The following SLIT3 variants were observed in gnomAD, a reference collection of about 807,000 sequenced individuals.
SLIT3 encodes the protein slit homolog 3 protein.
A neutral mutation model predicts 184.0 loss-of-function variants in SLIT3; 68 were observed. The observed-to-expected ratio is 0.37, with a 90% CI of 0.30 to 0.45. The LOEUF (loss-of-function observed/expected upper bound fraction) is 0.45. SLIT3 is among the 20% of genes least tolerant of loss of function. The pLI is 1.00. For missense variants in SLIT3, 1,707 were observed against 2,026.0 expected, an observed-to-expected ratio of 0.84 and a Z score of 3.02; for synonymous variants, 831 against 828.6, an observed-to-expected ratio of 1.00 and a Z score of -0.05.
chr5:168,711,494 T>C (rs1236007088), intron 24 of SLIT3, among the ~76,000 whole-genome samples: 1 of 152,144 alleles, frequency 6.6e-6, no homozygotes. Context: ...TTCATCCCAG[T>C]TGTGACTGGG....
chr5:168,842,469 GTTTTTTT>G (rs778998998), intron 6 of SLIT3, among the ~76,000 whole-genome samples: 3 of 88,100 alleles, frequency 3.4e-5, no homozygotes, highest in African/African-American at 9.6e-5. Flanking sequence ...CCGTTTTTTC[GTTTTTTT>G]TTTTTTTTTT....
chr5:168,924,073 T>G (rs888607840), intron 4 of SLIT3, among the ~76,000 whole-genome samples: 4 of 152,232 alleles, frequency 2.6e-5, no homozygotes, highest in Non-Finnish European at 5.9e-5. Flanking sequence ...CTGGACTAGA[T>G]AGAAGTCTGT....
At chr5:169,231,850 A>G (rs78031801) in intron 3 of SLIT3, among the ~76,000 whole-genome samples, 19,546 of 152,208 alleles carry the variant, frequency 0.13, 1,417 homozygotes, top group South Asian at 0.16. Context: ...AGTTTTAGCC[A>G]TTCCAATTAG....
chr5:169,083,466 A>G (rs569138451), intron 4 of SLIT3, among the ~76,000 whole-genome samples: 1 of 152,334 alleles, frequency 6.6e-6, no homozygotes, highest in Admixed American at 6.5e-5. Context: ...CAACAGGTGA[A>G]TGGTGTTGAG....
intron 29 of SLIT3, among the ~76,000 whole-genome samples, chr5:168,691,145 C>A (rs1761894316): frequency 6.6e-6 from 1 of 152,166 alleles, no homozygotes; most frequent in South Asian, 2.1e-4. Context: ...CCCCTAGGTC[C>A]ATGGCAAGGG....
rs181382068 is a variant in SLIT3, at chr5:168,851,955, G to T, written c.486-7300C>A. Reference sequence around the variant, plus strand: ...TCTTTGCAAACAAGCCCATGACAAGGCCAGGGGGAGCCTTGAAAGTCACTG... The same window carrying T: ...TCTTTGCAAACAAGCCCATGACAAGTCCAGGGGGAGCCTTGAAAGTCACTG... On this transcript the variant is annotated intron_variant, in intron 5 of 35. Transcript: ENST00000519560. Among the ~76,000 whole-genome samples, 6 of 152,306 alleles carry T rather than the reference G, an allele frequency of 3.9e-5. No individual in the cohort carries two copies. In the East Asian group the frequency reaches 1.2e-3, roughly 29 times the overall value.
chr5:169,125,745 CGTG>C (rs1761055169), intron 4 of SLIT3, among the ~76,000 whole-genome samples: 1 of 152,192 alleles, frequency 6.6e-6, no homozygotes, highest in Non-Finnish European at 1.5e-5. Flanking sequence ...AGGAAAAGAA[CGTG>C]ACTGCCATTT....
Position 168,806,554 on chromosome 5 carries a change from T to G in SLIT3, c.827A>C (p.Asn276Thr). 6.2e-7 allele frequency: 1 copy of G among 1,613,934 alleles called. No homozygotes were observed. Among genetic ancestry groups the G allele is most frequent in the Non-Finnish European group, 8.5e-7 (1 of 1,179,944 alleles). ...GCAGGGCGAAGGGCAGGAGATGGAG[T>G]TGGCATTGCAGGATGGGGGCTCCGA... is the stretch of plus-strand genomic sequence containing the variant. ...PHSEPPSCNA[N>T]SISCPSPCTC... Residue 276 changes from asparagine (N) to threonine (T), a missense_variant, in exon 9 of 36, where the codon AAC (asparagine) becomes ACC (threonine). By Grantham distance (65) the Asn-to-Thr change is moderately conservative. This residue lies in a region of SLIT3 where 1,307 missense variants were observed against 1,511.6 expected (regional missense o/e 0.86). Coordinates refer to ENST00000519560, the MANE Select transcript of SLIT3 (RefSeq NM_003062.4).
At chr5:168,891,226 T>C (rs1248599877) in intron 4 of SLIT3, among the ~76,000 whole-genome samples, 2 of 152,126 alleles carry the variant, frequency 1.3e-5, no homozygotes, top group African/African-American at 4.8e-5. Context: ...GTCTCAGACA[T>C]GAGACTGCTG....
intron 4 of SLIT3, among the ~76,000 whole-genome samples, chr5:168,889,621 T>A (rs1159044098): frequency 6.6e-6 from 1 of 152,220 alleles, no homozygotes; most frequent in Non-Finnish European, 1.5e-5. Context: ...GTCCTGGCCA[T>A]GCCATTCAGA....
intron 5 of SLIT3, among the ~76,000 whole-genome samples, chr5:168,867,341 A>T (rs17666252): frequency 0.013 from 1,970 of 152,370 alleles, 20 homozygotes; most frequent in East Asian, 0.046. Context: ...AAGAACAGGC[A>T]ATCAATGACA....
chr5:169,180,952 C>A (rs1175700035), intron 4 of SLIT3, among the ~76,000 whole-genome samples: 1 of 152,154 alleles, frequency 6.6e-6, no homozygotes, highest in African/African-American at 2.4e-5. Context: ...GGAAGCCTGA[C>A]CCATGCACAT....
rs1037221190 is a variant in SLIT3, at chr5:169,300,743, C to T, written c.-34G>A. ...GGGCCCCGCTCCTGGAGGAGGCTGCCTCTGCGGGGCAAGACGCGTGGAGCC... is the reference window on the plus strand; with the variant it reads ...GGGCCCCGCTCCTGGAGGAGGCTGCTTCTGCGGGGCAAGACGCGTGGAGCC... On this transcript the variant is annotated 5_prime_UTR_variant, in exon 1 of 36. Coordinates refer to ENST00000519560, the MANE Select transcript of SLIT3 (RefSeq NM_003062.4). This position sits in a 1 kb window ranked among gnomAD's most constrained non-coding sequence, Gnocchi z 4.1. The T allele has an allele frequency of 1.9e-5, 25 of 1,289,998 alleles. No individual in the cohort carries two copies. Among genetic ancestry groups the T allele is most frequent in the South Asian group, 2.4e-5 (1 of 41,806 alleles). 79.9% of individuals were successfully genotyped at this position (1,289,998 alleles called of 1,614,324 possible). A position where few individuals can be genotyped will look rare whatever the true frequency, so the allele number is the denominator to read the frequency against.
chr5:169,216,933 G>A (rs955984753), intron 3 of SLIT3, among the ~76,000 whole-genome samples: 6 of 152,056 alleles, frequency 3.9e-5, no homozygotes, highest in Admixed American at 3.9e-4. Context: ...ATCTGTGTGT[G>A]CCGTACTTCA....
At chr5:169,287,230 C>T (rs1379805790) in intron 1 of SLIT3, among the ~76,000 whole-genome samples, 1 of 152,170 alleles carries the variant, frequency 6.6e-6, no homozygotes, top group South Asian at 2.1e-4. Context: ...CCCAGTGTTC[C>T]TTCCCTTGCC....
chr5:168,762,108 C>A (rs1411966620), intron 15 of SLIT3, among the ~76,000 whole-genome samples: 2 of 151,608 alleles, frequency 1.3e-5, no homozygotes, highest in African/African-American at 2.4e-5. Context: ...TTTGATAAAC[C>A]AACACATCCC....
At chr5:169,206,106 C>T (rs1379724235) in intron 3 of SLIT3, among the ~76,000 whole-genome samples, 2 of 152,164 alleles carry the variant, frequency 1.3e-5, no homozygotes, top group African/African-American at 2.4e-5. Flanking sequence ...TTCCATGCTG[C>T]CTGGGAATAA....
intron 17 of SLIT3, 62 bp from the exon 18 acceptor site, chr5:168,753,160 C>T: frequency 6.4e-7 from 1 of 1,571,424 alleles, no homozygotes; most frequent in Non-Finnish European, 8.7e-7. Flanking sequence ...CCAAATGGTG[C>T]CACGGTGGTG....
rs141784575 is a variant in SLIT3, at chr5:169,040,197, G to T, written c.413+153282C>A. On this transcript the variant is annotated intron_variant, in intron 4 of 35. Transcript: ENST00000519560. The stretch of plus-strand genomic sequence containing the variant: ...ATCAAGGCATGTGCAATCACAGCCC[G>T]TCAGCTCTGTTAGGAATTCCCTTGC... Among the ~76,000 whole-genome samples the T allele has an allele frequency of 1.2e-3, 182 of 152,260 alleles. 1 individual carries two copies. The highest frequency in any genetic ancestry group is 2.5e-4 in the Non-Finnish European group (17 of 68,024).
Sources: allele counts gnomAD v4.1 joint callset (sites outside exome capture counted in the v4.1 genomes callset), GRCh38; gene constraint gnomAD v4.1.1; regional missense constraint gnomAD v4.1.1; non-coding constraint Gnocchi (gnomAD v3.1); transcripts MANE v1.5; gene names NCBI Gene and HGNC (gene_info 2026-07-23, HGNC 2026-07-21).